ODC1: variants seen among roughly 807,000 people sequenced by gnomAD.
ODC1 encodes ornithine decarboxylase.
In ODC1, 18 loss-of-function variants were observed where a neutral mutation model predicts 41.5. The ratio of observed to expected loss-of-function variants is 0.43; its 90% CI spans 0.30 to 0.64. The LOEUF (loss-of-function observed/expected upper bound fraction) is 0.64. ODC1 is among the 30% of genes least tolerant of loss of function. ODC1 has a pLI of 0.11. For missense variants in ODC1, 504 were observed against 589.0 expected, an observed-to-expected ratio of 0.86 and a Z score of 1.49; for synonymous variants, 218 against 211.6, an observed-to-expected ratio of 1.03 and a Z score of -0.26.
chr2:10,443,784 C>T lies in ODC1; in HGVS notation c.502G>A (p.Val168Met). ...DDSKAVCRLS[V>M]KFGATLRTSR... ...GTTCTGAGCGTGGCACCGAATTTCA[C>T]ACTGAGACGACAGACTGCTTTGGAA... Residue 168 changes from valine (V) to methionine (M), a missense_variant, in exon 6 of 12, where the codon GTG becomes ATG. Transcript: ENST00000234111. The T allele has an allele frequency of 1.2e-6, 2 of 1,614,202 alleles. No individual in the cohort carries two copies. The highest frequency in any genetic ancestry group is 1.7e-6 in the Non-Finnish European group (2 of 1,180,034).
chr2:10,443,225 A>G lies in ODC1; in HGVS notation c.750+5T>C. 6.2e-7 allele frequency: 1 copy of G among 1,604,410 alleles called. No homozygotes were observed. Among genetic ancestry groups the G allele is most frequent in the Non-Finnish European group, 8.5e-7 (1 of 1,175,588 alleles). On this transcript the variant is annotated splice_donor_5th_base_variant and intron_variant, in intron 8 of 11. Coordinates refer to ENST00000234111, the MANE Select transcript of ODC1 (RefSeq NM_002539.3). ...ACTGAGTATTACAGTTTTGTTCTAA[A>G]TTACCTCTTCAAATTTAAGTTTCAC...
chr2:10,443,928 C>G, intron 5 of ODC1, 92 bp from the exon 6 acceptor site: 1 of 1,551,366 alleles, frequency 6.4e-7, no homozygotes, highest in Non-Finnish European at 8.8e-7. Flanking sequence ...TAAATACTGT[C>G]GCTGATATAT....
In ODC1 at chr2:10,448,308, C is replaced by T. The variant is rs1672108985; in HGVS notation, c.-315G>A. 7.8e-6 allele frequency: 2 copies of T among 255,304 alleles called. No individual in the cohort carries two copies. Among genetic ancestry groups the T allele is most frequent in the East Asian group, 6.7e-5 (1 of 14,992 alleles). The allele number at this position is 255,304 out of a possible 1,614,324, so 15.8% of individuals were successfully genotyped here. Reference sequence around the variant, plus strand: ...GAGGGGCGGCGGGCGGCGGCGGCGGCGGCTACAGGAGGGACTGACAAAGCC... The same window carrying T: ...GAGGGGCGGCGGGCGGCGGCGGCGGTGGCTACAGGAGGGACTGACAAAGCC... On this transcript the variant is annotated 5_prime_UTR_variant, in exon 1 of 12. Coordinates refer to ENST00000234111, the MANE Select transcript of ODC1 (RefSeq NM_002539.3).
chr2:10,447,633 C>T (rs1204977944), intron 1 of ODC1: 1 of 152,284 alleles, frequency 6.6e-6, no homozygotes, highest in African/African-American at 2.4e-5. Flanking sequence ...CCCACTCTCG[C>T]GGGTTTCCAA....
At chr2:10,443,208 T>C (rs1288984518) in intron 8 of ODC1, 22 bp downstream of exon 8, 25 of 1,571,388 alleles carry the variant, frequency 1.6e-5, no homozygotes, top group Non-Finnish European at 2.1e-5. Flanking sequence ...CTACTGAGTA[T>C]TACAGTTTTG....
intron 1 of ODC1, chr2:10,446,674 A>C: frequency 2.7e-6 from 1 of 364,738 alleles, no homozygotes; most frequent in Admixed American, 4.1e-5. Flanking sequence ...ATTTATTTTA[A>C]CCTTTAAAAA....
rs1671956547 is a variant in ODC1 at position 10,444,875 on chromosome 2, T to C, written c.102+56A>G. The C allele has an allele frequency of 3.8e-6, 5 of 1,324,736 alleles. No individual in the cohort carries two copies. In the Admixed American group the frequency reaches 6.9e-5, roughly 18 times the overall value. The allele number at this position is 1,324,736 out of a possible 1,614,324, so 82.1% of individuals were successfully genotyped here. ...GCTCTTCCTTAGACCTTGCCAAAGT[T>C]TTCCACTTGCCTGGCACTCTCAGCT... On this transcript the variant is annotated intron_variant, in intron 3 of 11. Transcript: ENST00000234111.
At chr2:10,443,895 TTAAAA>T (rs1671925520) in intron 5 of ODC1, 59 bp from the exon 6 acceptor site, 2 of 1,596,996 alleles carry the variant, frequency 1.3e-6, no homozygotes, top group African/African-American at 1.3e-5. Flanking sequence ...ATAGCCACAA[TTAAAA>T]TAAAAACAAT....
intron 5 of ODC1, 74 bp from the exon 6 acceptor site, chr2:10,443,910 TC>T: frequency 2.5e-6 from 4 of 1,585,934 alleles, no homozygotes; most frequent in Non-Finnish European, 3.5e-6. Flanking sequence ...ATAAAAACAA[TC>T]CTGTTCTAAA....
At chr2:10,444,451 T>TGAAA in intron 4 of ODC1, 23 bp downstream of exon 4, 1 of 1,586,386 alleles carries the variant, frequency 6.3e-7, no homozygotes, top group Non-Finnish European at 8.6e-7. Context: ...ACAACGCTTT[T>TGAAA]GAGGCCTGCT....
intron 8 of ODC1, among the ~76,000 whole-genome samples, chr2:10,442,597 A>C (rs985715293): frequency 2.8e-4 from 42 of 152,370 alleles, no homozygotes; most frequent in African/African-American, 9.9e-4. Flanking sequence ...TAACTTCCTA[A>C]GTGACTAAAC....
intron 7 of ODC1, 56 bp downstream of exon 7, chr2:10,443,434 G>C (rs1260678207): frequency 1.7e-5 from 26 of 1,572,836 alleles, no homozygotes; most frequent in African/African-American, 2.7e-5. Context: ...CTAGAATTAA[G>C]ACTAGTTATT....
rs114251583 is a variant in ODC1 at position 10,444,575 on chromosome 2, G to A, written c.175C>T (p.Leu59Phe). ...LKKHLRWLKALPRVTPFYAVK... is the reference protein window; with the variant it reads ...LKKHLRWLKAFPRVTPFYAVK... ...GCATAAAAGGGGGTGACACGAGGGA[G>A]AGCTTTTAACCACCTCAGATGTTTC... Residue 59 changes from leucine (L) to phenylalanine (F), a missense_variant, in exon 4 of 12, where the codon CTC (leucine) becomes TTC (phenylalanine). Leu to Phe is a conservative substitution (Grantham distance 22). This residue lies in a region of ODC1 where 447 missense variants were observed against 524.4 expected (regional missense o/e 0.85). Coordinates refer to ENST00000234111, the MANE Select transcript of ODC1 (RefSeq NM_002539.3). 5 of 1,614,110 alleles carry A rather than the reference G, an allele frequency of 3.1e-6. No homozygotes were observed. The highest frequency in any genetic ancestry group is 2.2e-5 in the East Asian group (1 of 44,870).
chr2:10,443,864 T>C (rs766068011), intron 5 of ODC1, 28 bp from the exon 6 acceptor site: 4 of 1,611,242 alleles, frequency 2.5e-6, no homozygotes, highest in Non-Finnish European at 3.4e-6. Context: ...GCAGCAAATG[T>C]CTCATGATAG....
intron 4 of ODC1, 60 bp from the exon 5 acceptor site, chr2:10,444,327 A>C: frequency 6.6e-7 from 1 of 1,526,026 alleles, no homozygotes; most frequent in Non-Finnish European, 8.8e-7. Flanking sequence ...GAATAAACAG[A>C]AAAGCATGGG....
intron 1 of ODC1, chr2:10,447,373 C>T (rs1018971377): frequency 6.6e-6 from 1 of 152,248 alleles, no homozygotes; most frequent in Non-Finnish European, 1.5e-5. Context: ...TCAGCCAACA[C>T]ATTCTTTGTC....
At position 10,445,216 on chromosome 2, in the gene ODC1, C is replaced by T. The variant is rs1671972284; in HGVS notation, c.-79G>A. 3.7e-6 allele frequency: 2 copies of T among 533,392 alleles called. No individual in the cohort carries two copies. The highest frequency in any genetic ancestry group is 6.6e-5 in the East Asian group (2 of 30,360). 33.0% of individuals were successfully genotyped at this position (533,392 alleles called of 1,614,324 possible). A position where few individuals can be genotyped will look rare whatever the true frequency, so the allele number is the denominator to read the frequency against. ...CCAGCTTCTCACAAAGGCAACTCTC[C>T]AGGAATTCCAAATCCCTCTGCGTGT... On this transcript the variant is annotated 5_prime_UTR_variant, in exon 2 of 12. Coordinates refer to ENST00000234111, the MANE Select transcript of ODC1 (RefSeq NM_002539.3).
At chr2:10,442,303 G>A in intron 8 of ODC1, 129 bp from the exon 9 acceptor site, 2 of 972,022 alleles carry the variant, frequency 2.1e-6, no homozygotes. Context: ...TATCATTAAA[G>A]TAACAAAAGC....
At chr2:10,444,343 G>A (rs1671941376) in intron 4 of ODC1, 76 bp from the exon 5 acceptor site, 1 of 1,512,474 alleles carries the variant, frequency 6.6e-7, no homozygotes, top group East Asian at 2.3e-5. Context: ...ATGGGAAGTT[G>A]TCATGTACCC....
Sources: allele counts gnomAD v4.1 joint callset (sites outside exome capture counted in the v4.1 genomes callset), GRCh38; gene constraint gnomAD v4.1.1; regional missense constraint gnomAD v4.1.1; transcripts MANE v1.5; gene names NCBI Gene and HGNC (gene_info 2026-07-23, HGNC 2026-07-21).